The following GTSE1 variants were observed in gnomAD, a reference collection of about 807,000 sequenced individuals.
GTSE1 encodes G2 and S-phase expressed 1.
Under a neutral mutation model 60.5 loss-of-function variants are expected in GTSE1, and 52 were observed. That is an observed-to-expected ratio of 0.86 (90% confidence interval 0.69 to 1.08). The LOEUF is 1.08. Among genes scored for constraint, GTSE1 ranks in the 50% least tolerant of loss-of-function variants. The probability of loss-of-function intolerance (pLI) is 0.00; values close to 1 mark genes in which losing one functional copy is unlikely to be tolerated. For missense variants in GTSE1, 937 were observed against 961.8 expected (o/e 0.97, Z 0.34); for synonymous variants, 368 against 386.5 (o/e 0.95, Z 0.56).
rs2077807282 is a variant in GTSE1 at position 46,320,688 on chromosome 22, C to G, written c.1433-2502C>G. Among the ~76,000 whole-genome samples the G allele has an allele frequency of 6.6e-6, 1 of 152,202 alleles. No homozygotes were observed. ...TAAAACAGTCCAGTTACAAATGTTG[C>G]TATTTACTATGAGTCCATGCTGCCG... On this transcript the variant is annotated intron_variant, in intron 7 of 11. Transcript: ENST00000454366. The surrounding 1 kb of genome is among the most constrained non-coding windows in gnomAD (Gnocchi z 7.1).
At position 46,310,341 on chromosome 22, in the gene GTSE1, C is replaced by G. The variant is rs536337779; in HGVS notation, c.762+1398C>G. Among the ~76,000 whole-genome samples, 1 of 152,256 alleles carries G rather than the reference C, an allele frequency of 6.6e-6. No individual in the cohort carries two copies. The highest frequency in any genetic ancestry group is 2.4e-5 in the African/African-American group (1 of 41,540). ...GGAGAAGGCTGAGGATGTGGAGAAGCTGGAAGCTCACGCATTGCTGGTGGG... is the reference window on the plus strand; with the variant it reads ...GGAGAAGGCTGAGGATGTGGAGAAGGTGGAAGCTCACGCATTGCTGGTGGG... On this transcript the variant is annotated intron_variant, in intron 4 of 11. Coordinates refer to ENST00000454366, the MANE Select transcript of GTSE1 (RefSeq NM_016426.7). This position sits in a 1 kb window ranked among gnomAD's most constrained non-coding sequence, Gnocchi z 4.4.
In GTSE1 at chr22:46,324,105, G is replaced by A. The variant is rs929500231; in HGVS notation, c.1505+843G>A. ...AAGTAGGGATGGCCCAAGCTCAGCT[G>A]GGGCCACTTGCAAGTCTTTTGGTGA... On this transcript the variant is annotated intron_variant, in intron 8 of 11. Transcript: ENST00000454366. This position sits in a 1 kb window ranked among gnomAD's most constrained non-coding sequence, Gnocchi z 5.2. Among the ~76,000 whole-genome samples the A allele has an allele frequency of 1.1e-4, 16 of 152,194 alleles. No homozygotes were observed. The highest frequency in any genetic ancestry group is 1.8e-4 in the Non-Finnish European group (12 of 68,032).
intron 9 of GTSE1, among the ~76,000 whole-genome samples, chr22:46,327,983 G>A (rs994498353): frequency 2.0e-5 from 3 of 152,220 alleles, no homozygotes; most frequent in African/African-American, 7.2e-5. Context: ...TTGTATGTTT[G>A]TAAGTGTAAA....
At position 46,313,904 on chromosome 22, in the gene GTSE1, G is replaced by A. The variant is rs1254102501; in HGVS notation, c.942G>A (p.Lys314=). 2.5e-6 allele frequency: 4 copies of A among 1,614,194 alleles called. No individual in the cohort carries two copies. The highest frequency in any genetic ancestry group is 1.7e-5 in the Admixed American group (1 of 60,032). Residue 314 remains lysine, a synonymous_variant, in exon 6 of 12, where the codon AAG becomes AAA. Coordinates refer to ENST00000454366, the MANE Select transcript of GTSE1 (RefSeq NM_016426.7). This position sits in a 1 kb window ranked among gnomAD's most constrained non-coding sequence, Gnocchi z 4.4. ...TTTTGCCCCAGTTGGGGCTGAAGAA[G>A]ACCCTGTTAAAAGCACCCGGCTCTA... The part of the protein sequence containing the change: ...IPVPNKLGLK[K]TLLKAPGSTS...
intron 5 of GTSE1, among the ~76,000 whole-genome samples, chr22:46,312,655 AAG>A (rs2077755629): frequency 6.6e-6 from 1 of 151,416 alleles, no homozygotes; most frequent in South Asian, 2.1e-4. Context: ...AAAAAAAAAA[AAG>A]AGGTGGAAAA....
At position 46,316,108 on chromosome 22, in the gene GTSE1, G is replaced by T. The variant is rs767716058; in HGVS notation, c.1128G>T (p.Met376Ile). The change falls in exon 7 of 12, where the codon ATG becomes ATT. Residue 376 changes from methionine (M) to isoleucine (I), a missense_variant. By Grantham distance (10) the Met-to-Ile change is conservative (BLOSUM62 1). Coordinates refer to ENST00000454366, the MANE Select transcript of GTSE1 (RefSeq NM_016426.7). This position sits in a 1 kb window ranked among gnomAD's most constrained non-coding sequence, Gnocchi z 5.0. ...CAAACATCAGCAAGTCAGGCAGAATGGGACCCGCCATGCTGCGGCCAGCTC... is the reference window on the plus strand; with the variant it reads ...CAAACATCAGCAAGTCAGGCAGAATTGGACCCGCCATGCTGCGGCCAGCTC... ...PLSNISKSGRMGPAMLRPALP... is the reference protein window; with the variant it reads ...PLSNISKSGRIGPAMLRPALP... The T allele has an allele frequency of 1.3e-6, 2 of 1,574,022 alleles. No individual in the cohort carries two copies. The highest frequency in any genetic ancestry group is 2.7e-5 in the African/African-American group (2 of 73,904).
At chr22:46,303,192 G>T (rs563711488) in intron 2 of GTSE1, among the ~76,000 whole-genome samples, 2 of 152,136 alleles carry the variant, frequency 1.3e-5, no homozygotes, top group African/African-American at 4.8e-5. Flanking sequence ...GAGCCACCCT[G>T]CCCGGTCTAC....
chr22:46,308,060 C>T, intron 2 of GTSE1, 90 bp from the exon 3 acceptor site: 2 of 878,796 alleles, frequency 2.3e-6, no homozygotes, highest in Admixed American at 1.9e-5. Flanking sequence ...TTTCACAGTA[C>T]CTTTATTTAA....
At position 46,309,496 on chromosome 22, in the gene GTSE1, A is replaced by T. The variant is rs1406937376; in HGVS notation, c.762+553A>T. 6.6e-6 allele frequency among the ~76,000 whole-genome samples: 1 copy of T among 152,070 alleles called. No homozygotes were observed. Among genetic ancestry groups the T allele is most frequent in the East Asian group, 1.9e-4 (1 of 5,170 alleles). ...GGCTCTTGCTCGGGAGAGGCCACAG[A>T]GAGGAAGACGGGGCGGGTGGGAGCC... On this transcript the variant is annotated intron_variant, in intron 4 of 11. Transcript: ENST00000454366. This position sits in a 1 kb window ranked among gnomAD's most constrained non-coding sequence, Gnocchi z 6.2.
rs1601905403 is a variant in GTSE1, at chr22:46,309,768, T to A, written c.762+825T>A. On this transcript the variant is annotated intron_variant, in intron 4 of 11. Coordinates refer to ENST00000454366, the MANE Select transcript of GTSE1 (RefSeq NM_016426.7). This position sits in a 1 kb window ranked among gnomAD's most constrained non-coding sequence, Gnocchi z 6.2. ...CCACACACTGCCCTTGACAAGGAGG[T>A]ATGCCCGGCACTGCCACCCCCAACA... 6.6e-6 allele frequency among the ~76,000 whole-genome samples: 1 copy of A among 152,096 alleles called. No individual in the cohort carries two copies. Among genetic ancestry groups the A allele is most frequent in the Non-Finnish European group, 1.5e-5 (1 of 68,012 alleles).
chr22:46,305,037 T>C (rs781109628), intron 2 of GTSE1, among the ~76,000 whole-genome samples: 3 of 152,224 alleles, frequency 2.0e-5, no homozygotes, highest in Non-Finnish European at 4.4e-5. Flanking sequence ...ACTTTCTTTA[T>C]TGATCACTTT....
chr22:46,309,939 C>G lies in GTSE1; in HGVS notation c.762+996C>G, dbSNP rs1477655526. 1.3e-5 allele frequency among the ~76,000 whole-genome samples: 2 copies of G among 152,214 alleles called. No homozygotes were observed. The highest frequency in any genetic ancestry group is 6.5e-5 in the Admixed American group (1 of 15,286). On this transcript the variant is annotated intron_variant, in intron 4 of 11. Transcript: ENST00000454366. The surrounding 1 kb of genome is among the most constrained non-coding windows in gnomAD (Gnocchi z 6.2). ...GGATTGTGCATGTAGCACGCGTGGA[C>G]TCGGGGAGAGAGGTGGTGTGATTTG...
At chr22:46,307,513 T>TC in intron 2 of GTSE1, among the ~76,000 whole-genome samples, 1 of 151,194 alleles carries the variant, frequency 6.6e-6, no homozygotes, top group East Asian at 1.9e-4. Flanking sequence ...TGTAATTTCT[T>TC]TTTTTTTTGA....
chr22:46,299,507 C>G (rs1168253644), intron 2 of GTSE1, among the ~76,000 whole-genome samples: 1 of 152,202 alleles, frequency 6.6e-6, no homozygotes, highest in African/African-American at 2.4e-5. Context: ...CCATTTCACC[C>G]AGCTGTGCAA....
rs549571795 is a variant in GTSE1, at chr22:46,309,421, G to A, written c.762+478G>A. ...GGACACTGAGGGTCCTGGAGGTCTG[G>A]GGGAAAGCTGGGTGTGAGCACAGGA... is the stretch of plus-strand genomic sequence containing the variant. On this transcript the variant is annotated intron_variant, in intron 4 of 11. Transcript: ENST00000454366. This position sits in a 1 kb window ranked among gnomAD's most constrained non-coding sequence, Gnocchi z 6.2. Among the ~76,000 whole-genome samples, 6 of 152,100 alleles carry A rather than the reference G, an allele frequency of 3.9e-5. No homozygotes were observed. Among genetic ancestry groups the A allele is most frequent in the Non-Finnish European group, 7.4e-5 (5 of 68,018 alleles).
At chr22:46,305,811 G>A (rs2077712438) in intron 2 of GTSE1, among the ~76,000 whole-genome samples, 2 of 151,290 alleles carry the variant, frequency 1.3e-5, no homozygotes, top group Non-Finnish European at 2.9e-5. Context: ...GGAGGCTGAG[G>A]CAGAAGAATC....
intron 2 of GTSE1, among the ~76,000 whole-genome samples, chr22:46,300,913 A>G (rs2077685834): frequency 6.6e-6 from 1 of 152,168 alleles, no homozygotes; most frequent in South Asian, 2.1e-4. Context: ...AGGGCCATCG[A>G]TGTCATCAGT....
Position 46,316,444 on chromosome 22 carries a change from A to T in GTSE1, c.1432+32A>T. On this transcript the variant is annotated intron_variant, in intron 7 of 11. Transcript: ENST00000454366. The surrounding 1 kb of genome is among the most constrained non-coding windows in gnomAD (Gnocchi z 5.0). Reference sequence around the variant, plus strand: ...AATAGATACATTTTAATGTGTCTTTAAAAAATACTGAAGAAATTGCATTTA... The same window carrying T: ...AATAGATACATTTTAATGTGTCTTTTAAAAATACTGAAGAAATTGCATTTA... The T allele has an allele frequency of 2.3e-6, 3 of 1,288,208 alleles. No homozygotes were observed. The highest frequency in any genetic ancestry group is 3.2e-6 in the Non-Finnish European group (3 of 925,486). 79.8% of individuals were successfully genotyped at this position (1,288,208 alleles called of 1,614,324 possible). A position where few individuals can be genotyped will look rare whatever the true frequency, so the allele number is the denominator to read the frequency against.
At chr22:46,328,123 G>C (rs1050604227) in intron 9 of GTSE1, among the ~76,000 whole-genome samples, 1 of 152,344 alleles carries the variant, frequency 6.6e-6, no homozygotes, top group East Asian at 1.9e-4. Flanking sequence ...TCAGTTTTGC[G>C]TGGCAGGTAC....
Sources: gnomAD v4.1 joint callset for allele counts (sites outside exome capture counted in the v4.1 genomes callset) on GRCh38, gnomAD v4.1.1 for gene constraint, Gnocchi (gnomAD v3.1) non-coding constraint, MANE v1.5 for transcripts, NCBI Gene and HGNC (gene_info 2026-07-23, HGNC 2026-07-21) for gene names.